OGN: variants seen among roughly 807,000 people sequenced by gnomAD.
OGN encodes osteoglycin, also known as mimecan.
Under a neutral mutation model 30.8 loss-of-function variants are expected in OGN, and 19 were observed. The ratio of observed to expected loss-of-function variants is 0.62; its 90% CI spans 0.43 to 0.90. The LOEUF (loss-of-function observed/expected upper bound fraction) is 0.90, where lower values mean the gene tolerates loss of function less well. OGN is among the 40% of genes least tolerant of loss of function. The probability of loss-of-function intolerance (pLI) is 0.00; values close to 1 mark genes in which losing one functional copy is unlikely to be tolerated. For synonymous variants in OGN, 126 were observed against 128.3 expected, an observed-to-expected ratio of 0.98 and a Z score of 0.12; for missense variants, 283 against 349.7, an observed-to-expected ratio of 0.81 and a Z score of 1.52.
At chr9:92,404,673 C>T, upstream of OGN, 1 of 1,246,982 alleles carries the variant, frequency 8.0e-7, no homozygotes. Context: ...TCTTTGCCAG[C>T]ATTCTTTCTC....
At position 92,385,430 on chromosome 9, in the gene OGN, G is replaced by A. The variant is rs887555173; in HGVS notation, c.*190C>T. 53 of 514,504 alleles carry A rather than the reference G, an allele frequency of 1.0e-4. No homozygotes were observed. The highest frequency in any genetic ancestry group is 7.2e-4 in the African/African-American group (37 of 51,320). 31.9% of individuals were successfully genotyped at this position (514,504 alleles called of 1,614,324 possible). On this transcript the variant is annotated 3_prime_UTR_variant, in exon 7 of 7. Coordinates refer to ENST00000375561, the MANE Select transcript of OGN (RefSeq NM_014057.5). ...AAATATTTTCATATTACTTTGTTTC[G>A]AACGTAGACATTCAGTCTTACTTTT... is the stretch of plus-strand genomic sequence containing the variant.
At chr9:92,394,889 G>A (rs1842832723) in intron 3 of OGN, among the ~76,000 whole-genome samples, 1 of 152,144 alleles carries the variant, frequency 6.6e-6, no homozygotes, top group African/African-American at 2.4e-5. Context: ...TTACAGGTGT[G>A]AGCCACCACG....
intron 6 of OGN, 115 bp downstream of exon 6, chr9:92,386,086 G>A (rs548590107): frequency 8.0e-6 from 6 of 747,424 alleles, no homozygotes; most frequent in Middle Eastern, 4.7e-4. Flanking sequence ...TAGCTATCAC[G>A]CTACTACAGT....
chr9:92,385,608 T>G lies in OGN; in HGVS notation c.*12A>C, dbSNP rs1244725962. The G allele has an allele frequency of 6.2e-7, 1 of 1,611,234 alleles. No homozygotes were observed. Among genetic ancestry groups the G allele is most frequent in the Non-Finnish European group, 8.5e-7 (1 of 1,177,522 alleles). ...TAGGTGTACTTTCATTTATATGTTGTACCAATAGAGGTTAAAAGTATGACC... is the reference window on the plus strand; with the variant it reads ...TAGGTGTACTTTCATTTATATGTTGGACCAATAGAGGTTAAAAGTATGACC... On this transcript the variant is annotated 3_prime_UTR_variant, in exon 7 of 7. Transcript: ENST00000375561.
intron 1 of OGN, 33 bp from the exon 2 acceptor site, chr9:92,403,515 A>G: frequency 1.4e-6 from 2 of 1,455,602 alleles, no homozygotes; most frequent in African/African-American, 1.4e-5. Context: ...TCGAAGCAAT[A>G]TTTAAAAGCT....
At chr9:92,387,143 T>C (rs79606756) in intron 5 of OGN, among the ~76,000 whole-genome samples, 5,381 of 150,958 alleles carry the variant, frequency 0.036, 128 homozygotes, top group South Asian at 0.086. Flanking sequence ...GAGGTCAATG[T>C]GGGTGGATCA....
intron 1 of OGN, chr9:92,403,688 T>C (rs1261185271): frequency 1.0e-6 from 1 of 1,003,670 alleles, no homozygotes; most frequent in African/African-American, 1.7e-5. Context: ...CAAGAAAGAT[T>C]GATAATTTTA....
In OGN at chr9:92,384,897, T is replaced by C. The variant is rs1310670628; in HGVS notation, c.*723A>G. ...ATAAGCATATTGGTTTTGGCCTGCT[T>C]GAGTTTAAAACTTTTTTTGGTAGAC... On this transcript the variant is annotated 3_prime_UTR_variant, in exon 7 of 7. Coordinates refer to ENST00000375561, the MANE Select transcript of OGN (RefSeq NM_014057.5). The C allele has an allele frequency of 5.9e-5, 9 of 152,666 alleles. No homozygotes were observed. The East Asian group carries it at 1.7e-3, about 29-fold the overall frequency. 9.5% of individuals were successfully genotyped at this position (152,666 alleles called of 1,614,324 possible). A position where few individuals can be genotyped will look rare whatever the true frequency, so the allele number is the denominator to read the frequency against.
Position 92,404,574 on chromosome 9 carries a change from T to C in OGN, c.-154A>G, listed in dbSNP as rs1313361553. 1 of 1,293,164 alleles carries C rather than the reference T, an allele frequency of 7.7e-7. No homozygotes were observed. Among genetic ancestry groups the C allele is most frequent in the East Asian group, 5.7e-5 (1 of 17,536 alleles). The allele number at this position is 1,293,164 out of a possible 1,614,324, so 80.1% of individuals were successfully genotyped here. A position where few individuals can be genotyped will look rare whatever the true frequency, so the allele number is the denominator to read the frequency against. On this transcript the variant is annotated 5_prime_UTR_variant, in exon 1 of 7. Coordinates refer to ENST00000375561, the MANE Select transcript of OGN (RefSeq NM_014057.5). Reference sequence around the variant, plus strand: ...TGTGCATTAGCCCCAAGTGGGAGGGTGAATGAGAAAAGCTATGTCTTGATT... The same window carrying C: ...TGTGCATTAGCCCCAAGTGGGAGGGCGAATGAGAAAAGCTATGTCTTGATT...
At chr9:92,404,368 T>C (rs2130936109) in intron 1 of OGN, 128 bp downstream of exon 1, 1 of 479,308 alleles carries the variant, frequency 2.1e-6, no homozygotes, top group South Asian at 2.2e-5. Context: ...CATAAGTACT[T>C]CTTAAAAATT....
At chr9:92,402,964 G>A (rs148224104) in intron 2 of OGN, among the ~76,000 whole-genome samples, 48 of 152,226 alleles carry the variant, frequency 3.2e-4, no homozygotes, top group African/African-American at 1.1e-3. Context: ...ATTGCAACTG[G>A]TGAGGGATCA....
chr9:92,399,944 A>G (rs1264580040), intron 3 of OGN, among the ~76,000 whole-genome samples: 2 of 152,138 alleles, frequency 1.3e-5, no homozygotes, highest in South Asian at 2.1e-4. Context: ...TGATTCCTAC[A>G]TATACTTGTT....
At chr9:92,387,821 T>C (rs377277144) in intron 5 of OGN, among the ~76,000 whole-genome samples, 61 of 152,214 alleles carry the variant, frequency 4.0e-4, no homozygotes, top group African/African-American at 1.4e-3. Flanking sequence ...TGTAGTGCAG[T>C]GTCATGATCT....
intron 5 of OGN, among the ~76,000 whole-genome samples, chr9:92,387,943 C>T (rs2130886027): frequency 6.9e-6 from 1 of 145,300 alleles, no homozygotes; most frequent in East Asian, 2.1e-4. Context: ...TTTTGTATTT[C>T]AGTAGAGACA....
At position 92,401,160 on chromosome 9, in the gene OGN, T is replaced by C. The variant is rs1019260460; in HGVS notation, c.200A>G (p.Asn67Ser). 14 of 1,529,566 alleles carry C rather than the reference T, an allele frequency of 9.2e-6. No homozygotes were observed. The highest frequency in any genetic ancestry group is 1.2e-5 in the Non-Finnish European group (13 of 1,104,682). 94.7% of individuals were successfully genotyped at this position (1,529,566 alleles called of 1,614,324 possible). A position where few individuals can be genotyped will look rare whatever the true frequency, so the allele number is the denominator to read the frequency against. ...TTTTTGTAATTGAAGACTTTTCTCATTGGGTATTATCACAGTTTCTTTTTC... is the reference window on the plus strand; with the variant it reads ...TTTTTGTAATTGAAGACTTTTCTCACTGGGTATTATCACAGTTTCTTTTTC... ...IKEKETVIIP[N>S]EKSLQLQKDE... The change falls in exon 3 of 7, where the codon AAT (asparagine) becomes AGT (serine). Residue 67 changes from asparagine (N) to serine (S), a missense_variant. Physicochemically the swap from Asn to Ser is conservative, Grantham distance 46. Transcript: ENST00000375561.
At chr9:92,390,416 T>C in intron 4 of OGN, among the ~76,000 whole-genome samples, 1 of 151,758 alleles carries the variant, frequency 6.6e-6, no homozygotes, top group Non-Finnish European at 1.5e-5. Flanking sequence ...AATCATGTAA[T>C]TTTTTTTATT....
intron 5 of OGN, chr9:92,389,524 T>A (rs1842579195): frequency 5.8e-6 from 1 of 171,214 alleles, no homozygotes; most frequent in African/African-American, 2.4e-5. Flanking sequence ...ACAGGAAATA[T>A]CCCATTTTGA....
At chr9:92,395,479 G>A (rs189208349) in intron 3 of OGN, among the ~76,000 whole-genome samples, 26 of 152,284 alleles carry the variant, frequency 1.7e-4, no homozygotes, top group Admixed American at 2.6e-4. Context: ...AAATTTATGT[G>A]TAAGTTTGTG....
chr9:92,394,586 G>A (rs1050285181), intron 3 of OGN, among the ~76,000 whole-genome samples: 3 of 151,222 alleles, frequency 2.0e-5, no homozygotes, highest in Admixed American at 6.6e-5. Context: ...AAATAAACAT[G>A]TCAAATTTTA....
Sources: gnomAD v4.1 joint callset for allele counts (sites outside exome capture counted in the v4.1 genomes callset) on GRCh38, gnomAD v4.1.1 for gene constraint, MANE v1.5 for transcripts, NCBI Gene and HGNC (gene_info 2026-07-23, HGNC 2026-07-21) for gene names.